Variants in FLII observed in about 807,000 individuals in gnomAD.
FLII encodes protein flightless-1 homolog.
In FLII, 101 loss-of-function variants were observed where a neutral mutation model predicts 156.2. The observed-to-expected ratio is 0.65, with a 90% CI of 0.55 to 0.76. FLII has a LOEUF of 0.76. Among genes scored for constraint, FLII ranks in the 30% least tolerant of loss-of-function variants. The pLI is 0.00. For missense variants in FLII, 1,675 were observed against 1,682.8 expected, an observed-to-expected ratio of 1.00 and a Z score of 0.08; for synonymous variants, 767 against 685.8, an observed-to-expected ratio of 1.12 and a Z score of -1.85.
At chr17:18,257,271 A>G in intron 1 of FLII, 2 of 478,118 alleles carry the variant, frequency 4.2e-6, no homozygotes, top group Non-Finnish European at 7.4e-6. Context: ...GGGCCAGGAC[A>G]AAACTGGCTT....
At position 18,250,699 on chromosome 17, in the gene FLII, G is replaced by GT. The variant is rs2048234523; in HGVS notation, c.1776+138dup. 1.5e-5 allele frequency: 13 copies of GT among 892,768 alleles called. No individual in the cohort carries two copies. The East Asian group carries it at 3.3e-4, about 23-fold the overall frequency. 55.3% of individuals were successfully genotyped at this position (892,768 alleles called of 1,614,324 possible). On this transcript the variant is annotated intron_variant, in intron 14 of 29. Transcript: ENST00000327031. ...TGCGGTCTGCCTTAGGTCCCGCACA[G>GT]TATCGTTGATCCACCCCCTTTAACC...
chr17:18,252,945 A>C (rs2048313210), intron 9 of FLII, among the ~76,000 whole-genome samples: 1 of 151,946 alleles, frequency 6.6e-6, no homozygotes, highest in Non-Finnish European at 1.5e-5. Context: ...GAGGACAGGC[A>C]TTCAAGACCA....
At chr17:18,246,491 T>C (rs780955337) in intron 23 of FLII, 29 bp from the exon 24 acceptor site, 1 of 1,613,186 alleles carries the variant, frequency 6.2e-7, no homozygotes, top group Middle Eastern at 1.6e-4. Flanking sequence ...TAGGGGCAGC[T>C]CCCTGGACCC....
At chr17:18,249,289 TCCAGGTCCATACCC>T (rs1555561514) in intron 15 of FLII, 23 bp downstream of exon 15, 2 of 1,608,542 alleles carry the variant, frequency 1.2e-6, no homozygotes, top group African/African-American at 2.7e-5. Context: ...GCCAGCAGAC[TCCAGGTCCATACCC>T]CCCACTGCCC....
chr17:18,252,682 C>T (rs1346421278), intron 9 of FLII, 126 bp from the exon 10 acceptor site: 3 of 723,532 alleles, frequency 4.1e-6, no homozygotes, highest in Non-Finnish European at 7.4e-6. Flanking sequence ...TCTCCATTCT[C>T]TGCCTGAAGG....
chr17:18,245,186 A>AAAGG lies in FLII; in HGVS notation c.3758_3761dup (p.Thr1255LeufsTer68). 1 of 1,613,886 alleles carries AAAGG rather than the reference A, an allele frequency of 6.2e-7. No homozygotes were observed. The highest frequency in any genetic ancestry group is 8.5e-7 in the Non-Finnish European group (1 of 1,179,962). On this transcript the variant is annotated frameshift_variant, in exon 30 of 30. Transcript: ENST00000327031. LOFTEE classifies it high-confidence loss of function. The stretch of plus-strand genomic sequence containing the variant: ...CGCTCCAGGCGTGGAAGCAGCGGGT[A>AAAGG]AAGGCGTGCTGCTCATTGCCCTTGC...
chr17:18,245,462 G>T (rs769049156), intron 28 of FLII, 43 bp from the exon 29 acceptor site: 1 of 1,612,972 alleles, frequency 6.2e-7, no homozygotes, highest in Non-Finnish European at 8.5e-7. Context: ...GGGTGCCTGG[G>T]AACAGCCCCT....
At chr17:18,245,309 G>T in intron 29 of FLII, 37 bp from the exon 30 acceptor site, 1 of 1,613,814 alleles carries the variant, frequency 6.2e-7, no homozygotes, top group Non-Finnish European at 8.5e-7. Context: ...TGATGACCCT[G>T]CCCTGCCCAC....
Position 18,245,252 on chromosome 17 carries a change from C to T in FLII, c.3696G>A (p.Arg1232=), listed in dbSNP as rs759891827. The T allele has an allele frequency of 6.2e-7, 1 of 1,613,530 alleles. No individual in the cohort carries two copies. The highest frequency in any genetic ancestry group is 2.2e-5 in the East Asian group (1 of 44,850). The change falls in exon 30 of 30, where the codon CGG becomes CGA. Residue 1232 remains arginine (R), a synonymous_variant. Transcript: ENST00000327031. ...KACQVYIQHM[R]SKEHERPRRL... is the part of the protein sequence containing the mutation. ...GGCGCGGCCGCTCATGTTCCTTGGA[C>T]CGCATGTGCTGGATATATACCTGGC... is the stretch of plus-strand genomic sequence containing the variant.
rs2047980423 is a variant in FLII, at chr17:18,245,095, C to T, written c.*43G>A. ...TTTGCTAGCAGACAGTGGATGAGGC[C>T]CCTTCCTCTTCCTCACCAAGCCTGG... On this transcript the variant is annotated 3_prime_UTR_variant, in exon 30 of 30. Coordinates refer to ENST00000327031, the MANE Select transcript of FLII (RefSeq NM_002018.4). 6.3e-7 allele frequency: 1 copy of T among 1,579,094 alleles called. No individual in the cohort carries two copies. The highest frequency in any genetic ancestry group is 8.6e-7 in the Non-Finnish European group (1 of 1,157,984).
intron 28 of FLII, 48 bp downstream of exon 28, chr17:18,245,507 G>A (rs1376134465): frequency 6.2e-6 from 10 of 1,611,534 alleles, no homozygotes; most frequent in Non-Finnish European, 8.5e-6. Context: ...TTGTAAGTAA[G>A]TCTATGGGCG....
chr17:18,246,948 G>C lies in FLII; in HGVS notation c.2781C>G (p.His927Gln). The C allele has an allele frequency of 4.3e-6, 7 of 1,614,108 alleles. No homozygotes were observed. Among genetic ancestry groups the C allele is most frequent in the Non-Finnish European group, 5.9e-6 (7 of 1,180,016 alleles). The stretch of plus-strand genomic sequence containing the variant: ...AGACGTAGCAGTCCTGCGTGTAGAA[G>C]TGGCCAAACTCCTCTTCCGGCAGCC... ...FARLPEEEFGHFYTQDCYVFL... is the reference protein window; with the variant it reads ...FARLPEEEFGQFYTQDCYVFL... Residue 927 changes from histidine (H) to glutamine (Q), a missense_variant, in exon 22 of 30, where the codon CAC becomes CAG. Physicochemically the swap from His to Gln is conservative, Grantham distance 24 (BLOSUM62 0). This residue lies in a region of FLII where 1,332 missense variants were observed against 1,269.3 expected (regional missense o/e 1.05). Coordinates refer to ENST00000327031, the MANE Select transcript of FLII (RefSeq NM_002018.4).
chr17:18,251,864 C>T (rs1287664608), intron 11 of FLII, 48 bp from the exon 12 acceptor site: 2 of 1,610,822 alleles, frequency 1.2e-6, no homozygotes, highest in African/African-American at 1.3e-5. Flanking sequence ...CTGCTGCCCC[C>T]TTGGGCATGC....
At position 18,258,667 on chromosome 17, in the gene FLII, C is replaced by A; in HGVS notation, c.24G>T (p.Pro8=). The change falls in exon 1 of 30, where the codon CCG becomes CCT. Residue 8 remains proline, a synonymous_variant. Transcript: ENST00000327031. This position sits in a 1 kb window ranked among gnomAD's most constrained non-coding sequence, Gnocchi z 4.2. ...CGCTGAGGTCCACGCCACGCACGAA[C>A]GGCAGCACCCCGGTGGCCTCCATGG... is the stretch of plus-strand genomic sequence containing the variant. MEATGVL[P]FVRGVDLSGN... 11 of 1,542,624 alleles carry A rather than the reference C, an allele frequency of 7.1e-6. No homozygotes were observed. The highest frequency in any genetic ancestry group is 9.5e-6 in the Non-Finnish European group (11 of 1,154,226).
Position 18,258,478 on chromosome 17 carries a change from C to A in FLII, c.63+150G>T. On this transcript the variant is annotated intron_variant, in intron 1 of 29. Transcript: ENST00000327031. The surrounding 1 kb of genome is among the most constrained non-coding windows in gnomAD (Gnocchi z 4.2). ...TGGGCGGAGGCCTCGGAGGTCCATT[C>A]CTGGCCAGGGGAGAGCCCCACCCCG... The A allele has an allele frequency of 6.6e-7, 1 of 1,510,238 alleles. No homozygotes were observed. Among genetic ancestry groups the A allele is most frequent in the Non-Finnish European group, 8.8e-7 (1 of 1,136,014 alleles). The allele number at this position is 1,510,238 out of a possible 1,614,324, so 93.6% of individuals were successfully genotyped here.
At chr17:18,256,001 G>A (rs2048404651) in intron 3 of FLII, among the ~76,000 whole-genome samples, 2 of 152,256 alleles carry the variant, frequency 1.3e-5, no homozygotes, top group Admixed American at 6.5e-5. Context: ...CAGATGGGAT[G>A]GCCCTCGTTG....
intron 21 of FLII, 46 bp downstream of exon 21, chr17:18,247,123 G>GCCCCCCCCCCCCCCCCCCCCC: frequency 8.0e-7 from 1 of 1,249,070 alleles, no homozygotes; most frequent in South Asian, 1.6e-5. Flanking sequence ...CCCTCGGCCT[G>GCCCCCCCCCCCCCCCCCCCCC]CCCCCCACCC....
In FLII at chr17:18,245,631, A is replaced by T; in HGVS notation, c.3533T>A (p.Val1178Glu). The T allele has an allele frequency of 6.2e-7, 1 of 1,613,782 alleles. No individual in the cohort carries two copies. The highest frequency in any genetic ancestry group is 8.5e-7 in the Non-Finnish European group (1 of 1,179,972). Residue 1178 changes from valine to glutamate, a missense_variant, in exon 28 of 30, where the codon GTG becomes GAG. Val to Glu is a moderately radical substitution (Grantham distance 121). Around this residue, in one of 2 missense-constraint regions of FLII, gnomAD observed 1,332 missense variants for 1,269.3 expected, o/e 1.05. Transcript: ENST00000327031. ...RCSNEKGYFA[V>E]TEKCSDFCQD... ...GCAAAAGTCGGAGCATTTCTCAGTC[A>T]CTGCAAAGTAGCCCTTCTCGTTGGA...
chr17:18,245,917 C>T lies in FLII; in HGVS notation c.3396+17G>A, dbSNP rs117461683. 1,793 of 1,613,780 alleles carry T rather than the reference C, an allele frequency of 1.1e-3. 59 individuals carry two copies. In the East Asian group the frequency reaches 0.035, roughly 31 times the overall value. ...TGGCTCCTCTGTGTGTGCCCGCCTG[C>T]CCGCCCGCCTCCTGACCTGCTTGCT... On this transcript the variant is annotated intron_variant, in intron 26 of 29. Coordinates refer to ENST00000327031, the MANE Select transcript of FLII (RefSeq NM_002018.4).
Sources: gnomAD v4.1 joint callset for allele counts (sites outside exome capture counted in the v4.1 genomes callset) on GRCh38, gnomAD v4.1.1 for gene constraint, gnomAD v4.1.1 regional missense constraint, Gnocchi (gnomAD v3.1) non-coding constraint, MANE v1.5 for transcripts, NCBI Gene and HGNC (gene_info 2026-07-23, HGNC 2026-07-21) for gene names.